DNAJC10: variants seen among roughly 807,000 people sequenced by gnomAD.
DNAJC10 encodes DnaJ heat shock protein family (Hsp40) member C10.
In DNAJC10, 101 loss-of-function variants were observed where a neutral mutation model predicts 115.0. The ratio of observed to expected loss-of-function variants is 0.88; its 90% CI spans 0.75 to 1.04. The LOEUF (loss-of-function observed/expected upper bound fraction) is 1.04, where lower values mean the gene tolerates loss of function less well. Among genes scored for constraint, DNAJC10 ranks in the 50% least tolerant of loss-of-function variants. DNAJC10 has a pLI of 0.00. For missense variants in DNAJC10, 981 were observed against 928.8 expected (o/e 1.06, Z -0.73); for synonymous variants, 307 against 301.5 (o/e 1.02, Z -0.19).
At chr2:182,775,958 GA>G (rs1694694739) in intron 23 of DNAJC10, among the ~76,000 whole-genome samples, 1 of 152,100 alleles carries the variant, frequency 6.6e-6, no homozygotes, top group Non-Finnish European at 1.5e-5. Context: ...GAGTGGGATA[GA>G]AAAGAGCAAA....
chr2:182,753,900 A>G (rs1489411610), intron 16 of DNAJC10, among the ~76,000 whole-genome samples: 1 of 151,976 alleles, frequency 6.6e-6, no homozygotes, highest in African/African-American at 2.4e-5. Flanking sequence ...TAGTTTTTCT[A>G]CTTTTCATCT....
Position 182,779,078 on chromosome 2 carries a change from A to G in DNAJC10, c.*1946A>G, listed in dbSNP as rs1694780671. 6.6e-6 allele frequency: 1 copy of G among 152,222 alleles called. No homozygotes were observed. The highest frequency in any genetic ancestry group is 2.4e-5 in the African/African-American group (1 of 41,470). The allele number at this position is 152,222 out of a possible 1,614,324, so 9.4% of individuals were successfully genotyped here. A position where few individuals can be genotyped will look rare whatever the true frequency, so the allele number is the denominator to read the frequency against. ...TTAGTTGTTGAGAAACATTTTAGGCAGTAAATAAAATAGTAAATATTATGT... is the reference window on the plus strand; with the variant it reads ...TTAGTTGTTGAGAAACATTTTAGGCGGTAAATAAAATAGTAAATATTATGT... On this transcript the variant is annotated 3_prime_UTR_variant, in exon 24 of 24. Transcript: ENST00000264065.
chr2:182,741,866 G>T (rs1426164043), intron 13 of DNAJC10, among the ~76,000 whole-genome samples: 1 of 151,828 alleles, frequency 6.6e-6, no homozygotes, highest in Admixed American at 6.6e-5. Flanking sequence ...AATGGCCATT[G>T]TAATAGACAT....
Position 182,762,721 on chromosome 2 carries a change from C to A in DNAJC10, c.2185C>A (p.Gln729Lys). The change falls in exon 22 of 24, where the codon CAG becomes AAG. Residue 729 changes from glutamine (Q) to lysine (K), a missense_variant. Coordinates refer to ENST00000264065, the MANE Select transcript of DNAJC10 (RefSeq NM_018981.4). Reference sequence around the variant, plus strand: ...AGTGAAAGCTGGAAAAGTAGACTGTCAGGCTTATGCTCAGACATGCCAGAA... The same window carrying A: ...AGTGAAAGCTGGAAAAGTAGACTGTAAGGCTTATGCTCAGACATGCCAGAA... ...GKVKAGKVDCQAYAQTCQKAG... is the reference protein window; with the variant it reads ...GKVKAGKVDCKAYAQTCQKAG... The A allele has an allele frequency of 6.2e-7, 1 of 1,612,580 alleles. No individual in the cohort carries two copies. Among genetic ancestry groups the A allele is most frequent in the South Asian group, 1.1e-5 (1 of 91,030 alleles).
intron 4 of DNAJC10, 95 bp from the exon 5 acceptor site, chr2:182,721,930 A>G: frequency 2.9e-6 from 2 of 701,086 alleles, no homozygotes; most frequent in South Asian, 4.2e-5. Context: ...TAGTAGTTTG[A>G]TTTTTTTGAT....
In DNAJC10 at chr2:182,786,154, T is replaced by A. The variant is rs1694941993; in HGVS notation, c.*9022T>A. ...TTTCAGAAACGCAAAATATTGTTTT[T>A]ACAACTAAGATAACATTGAAATTTA... is the stretch of plus-strand genomic sequence containing the variant. On this transcript the variant is annotated 3_prime_UTR_variant, in exon 24 of 24. Transcript: ENST00000264065. 2 of 152,192 alleles carry A rather than the reference T, an allele frequency of 1.3e-5. No individual in the cohort carries two copies. The highest frequency in any genetic ancestry group is 4.8e-5 in the African/African-American group (2 of 41,446). 9.4% of individuals were successfully genotyped at this position (152,192 alleles called of 1,614,324 possible). A position where few individuals can be genotyped will look rare whatever the true frequency, so the allele number is the denominator to read the frequency against.
At position 182,717,985 on chromosome 2, in the gene DNAJC10, G is replaced by A. The variant is rs951051457; in HGVS notation, c.-102G>A. On this transcript the variant is annotated 5_prime_UTR_variant, in exon 3 of 24. Transcript: ENST00000264065. ...GATTTGTGATGCTTGATTCACCCTT[G>A]AAGTAATGTAGACAGAAGTTCTCAA... 3 of 745,400 alleles carry A rather than the reference G, an allele frequency of 4.0e-6. No homozygotes were observed. In the African/African-American group the frequency reaches 5.4e-5, roughly 13 times the overall value. 46.2% of individuals were successfully genotyped at this position (745,400 alleles called of 1,614,324 possible). A position where few individuals can be genotyped will look rare whatever the true frequency, so the allele number is the denominator to read the frequency against.
At chr2:182,738,723 G>A (rs1337420128) in intron 11 of DNAJC10, among the ~76,000 whole-genome samples, 2 of 152,054 alleles carry the variant, frequency 1.3e-5, no homozygotes, top group Non-Finnish European at 2.9e-5. Context: ...TGTATTTTTG[G>A]TAGAGACGGG....
At chr2:182,718,371 C>A (rs1176825760) in intron 3 of DNAJC10, 81 bp downstream of exon 3, 4 of 1,120,238 alleles carry the variant, frequency 3.6e-6, no homozygotes, top group Admixed American at 2.5e-5. Context: ...TTTAAATGAT[C>A]AAATGCTTAA....
In DNAJC10 at chr2:182,785,822, CAGTT is replaced by C. The variant is rs1247140295; in HGVS notation, c.*8691_*8694del. The C allele has an allele frequency of 1.3e-5, 2 of 151,936 alleles. No individual in the cohort carries two copies. Among genetic ancestry groups the C allele is most frequent in the African/African-American group, 4.8e-5 (2 of 41,358 alleles). 9.4% of individuals were successfully genotyped at this position (151,936 alleles called of 1,614,324 possible). On this transcript the variant is annotated 3_prime_UTR_variant, in exon 24 of 24. Transcript: ENST00000264065. Reference sequence around the variant, plus strand: ...GGATATATTTCATATATATATGAAACAGTTGGGGAAATCAGAATATTTGAATTTG... The same window carrying C: ...GGATATATTTCATATATATATGAAACGGGGAAATCAGAATATTTGAATTTG...
intron 14 of DNAJC10, among the ~76,000 whole-genome samples, chr2:182,748,598 G>A (rs1243953209): frequency 6.6e-6 from 1 of 152,000 alleles, no homozygotes; most frequent in African/African-American, 2.4e-5. Flanking sequence ...ATTTTTTATT[G>A]CATCTATTTG....
At position 182,790,931 on chromosome 2, in the gene DNAJC10, G is replaced by C. The variant is rs1695038582; in HGVS notation, c.*13799G>C. 6.6e-6 allele frequency: 1 copy of C among 151,726 alleles called. No homozygotes were observed. Among genetic ancestry groups the C allele is most frequent in the South Asian group, 2.1e-4 (1 of 4,822 alleles). 9.4% of individuals were successfully genotyped at this position (151,726 alleles called of 1,614,324 possible). On this transcript the variant is annotated 3_prime_UTR_variant, in exon 24 of 24. Transcript: ENST00000264065. ...TGCTTTATTCTCTTATTTCTTCCAA[G>C]TAACCATATTCTCTTTTACCCTCCT...
rs565995241 is a variant in DNAJC10, at chr2:182,722,704, G to A, written c.418+629G>A. On this transcript the variant is annotated intron_variant, in intron 5 of 23. Coordinates refer to ENST00000264065, the MANE Select transcript of DNAJC10 (RefSeq NM_018981.4). The stretch of plus-strand genomic sequence containing the variant: ...CTGTATAATCCCAGCACTTTGGGAG[G>A]CCAAGGCAGGCAGATCGCTTGAGAT... 2.6e-5 allele frequency among the ~76,000 whole-genome samples: 4 copies of A among 152,240 alleles called. No individual in the cohort carries two copies. The South Asian group carries it at 8.3e-4, about 31-fold the overall frequency.
At chr2:182,773,662 A>G (rs1263520057) in intron 22 of DNAJC10, among the ~76,000 whole-genome samples, 2 of 152,210 alleles carry the variant, frequency 1.3e-5, no homozygotes, top group East Asian at 3.8e-4. Flanking sequence ...TTCTTGTGCC[A>G]TGGTTTTCAA....
At position 182,736,331 on chromosome 2, in the gene DNAJC10, C is replaced by A; in HGVS notation, c.932C>A (p.Thr311Asn). The A allele has an allele frequency of 6.3e-7, 1 of 1,591,986 alleles. No homozygotes were observed. Among genetic ancestry groups the A allele is most frequent in the Non-Finnish European group, 8.5e-7 (1 of 1,171,406 alleles). The change falls in exon 11 of 24, where the codon ACT becomes AAT. Residue 311 changes from threonine (T) to asparagine (N), a missense_variant. Transcript: ENST00000264065. ...CKSLDITTST[T>N]AYFPPGATLN... is the part of the protein sequence containing the mutation. ...AGCTTAGATATTACAACAAGTACTACTGCTTATTTTCCTCCTGGAGCCACT... is the reference window on the plus strand; with the variant it reads ...AGCTTAGATATTACAACAAGTACTAATGCTTATTTTCCTCCTGGAGCCACT...
chr2:182,769,049 C>G (rs557084949), intron 22 of DNAJC10, among the ~76,000 whole-genome samples: 2 of 152,216 alleles, frequency 1.3e-5, no homozygotes, highest in South Asian at 4.1e-4. Context: ...TTGTTCAATT[C>G]CCACCTGTGA....
At chr2:182,751,509 T>C (rs1694017726) in intron 14 of DNAJC10, 149 bp from the exon 15 acceptor site, 2 of 799,868 alleles carry the variant, frequency 2.5e-6, no homozygotes, top group East Asian at 2.7e-5. Flanking sequence ...AGCTAAGCCC[T>C]GTATAGTATA....
In DNAJC10 at chr2:182,777,847, C is replaced by CACAGTAAGTACACAAATTTGAGCA. The variant is rs1694749262; in HGVS notation, c.*725_*748dup. The CACAGTAAGTACACAAATTTGAGCA allele has an allele frequency of 6.6e-6, 1 of 152,058 alleles. No homozygotes were observed. The highest frequency in any genetic ancestry group is 1.9e-4 in the East Asian group (1 of 5,192). 9.4% of individuals were successfully genotyped at this position (152,058 alleles called of 1,614,324 possible). A position where few individuals can be genotyped will look rare whatever the true frequency, so the allele number is the denominator to read the frequency against. The stretch of plus-strand genomic sequence containing the variant: ...GAAACAGTGCAGCAGTATATGTGCA[C>CACAGTAAGTACACAAATTTGAGCA]ACAGTAAGTACACAAATTTGAGCAA... On this transcript the variant is annotated 3_prime_UTR_variant, in exon 24 of 24. Coordinates refer to ENST00000264065, the MANE Select transcript of DNAJC10 (RefSeq NM_018981.4).
Position 182,783,033 on chromosome 2 carries a change from G to A in DNAJC10, c.*5901G>A, listed in dbSNP as rs1694882459. 2 of 152,122 alleles carry A rather than the reference G, an allele frequency of 1.3e-5. No homozygotes were observed. The highest frequency in any genetic ancestry group is 4.1e-4 in the South Asian group (2 of 4,826). 9.4% of individuals were successfully genotyped at this position (152,122 alleles called of 1,614,324 possible). On this transcript the variant is annotated 3_prime_UTR_variant, in exon 24 of 24. Transcript: ENST00000264065. ...CTTTTGCCCATTCAGTATGATATTGGCTGTGGTTTTGTCATAAATAGCTCT... is the reference window on the plus strand; with the variant it reads ...CTTTTGCCCATTCAGTATGATATTGACTGTGGTTTTGTCATAAATAGCTCT...
Sources: gnomAD v4.1 joint callset for allele counts (sites outside exome capture counted in the v4.1 genomes callset) on GRCh38, gnomAD v4.1.1 for gene constraint, MANE v1.5 for transcripts, NCBI Gene and HGNC (gene_info 2026-07-23, HGNC 2026-07-21) for gene names.